RAB3B: variants seen among roughly 807,000 people sequenced by gnomAD.
RAB3B encodes the protein ras-related protein Rab-3B.
Under a neutral mutation model 20.5 loss-of-function variants are expected in RAB3B, and 11 were observed. The ratio of observed to expected loss-of-function variants is 0.54; its 90% CI spans 0.34 to 0.89. The LOEUF (loss-of-function observed/expected upper bound fraction) is 0.89. Ranked by LOEUF, RAB3B falls within the 40% of genes least tolerant of loss-of-function variation. The pLI is 0.02. For synonymous variants in RAB3B, 99 were observed against 106.3 expected (o/e 0.93, Z 0.42); for missense variants, 225 against 280.9 (o/e 0.80, Z 1.42).
At chr1:51,971,030 A>AAAAG (rs1557975592) in intron 2 of RAB3B, among the ~76,000 whole-genome samples, 26 of 150,728 alleles carry the variant, frequency 1.7e-4, no homozygotes, top group South Asian at 6.3e-4. Flanking sequence ...AAAAAAAAAA[A>AAAAG]AAAGAAAGAA....
chr1:51,945,980 A>G (rs1684559491), intron 2 of RAB3B, among the ~76,000 whole-genome samples: 1 of 152,274 alleles, frequency 6.6e-6, no homozygotes, highest in Non-Finnish European at 1.5e-5. Context: ...TAGGGTTTTC[A>G]TAATATGATA....
At chr1:51,937,565 T>C (rs1684423909) in intron 2 of RAB3B, among the ~76,000 whole-genome samples, 153 bp from the exon 3 acceptor site, 1 of 152,056 alleles carries the variant, frequency 6.6e-6, no homozygotes, top group Non-Finnish European at 1.5e-5. Context: ...TGGCGCGATC[T>C]CAGCTCACTG....
At chr1:51,958,720 G>C (rs1463336913) in intron 2 of RAB3B, among the ~76,000 whole-genome samples, 3 of 131,410 alleles carry the variant, frequency 2.3e-5, no homozygotes, top group African/African-American at 7.7e-5. Flanking sequence ...CAAAAACTCA[G>C]TCTCAAAAAA....
chr1:51,930,715 C>A (rs186063772), intron 4 of RAB3B, among the ~76,000 whole-genome samples: 3 of 152,238 alleles, frequency 2.0e-5, no homozygotes, highest in African/African-American at 4.8e-5. Flanking sequence ...ACCAATTCAC[C>A]TTTAAAAAAT....
intron 2 of RAB3B, among the ~76,000 whole-genome samples, chr1:51,973,983 T>G (rs547124335): frequency 1.3e-5 from 2 of 152,292 alleles, no homozygotes; most frequent in South Asian, 4.1e-4. Flanking sequence ...CTCTAATAAT[T>G]TCTTCAGTTC....
At chr1:51,950,845 G>C (rs901529590) in intron 2 of RAB3B, among the ~76,000 whole-genome samples, 3 of 152,168 alleles carry the variant, frequency 2.0e-5, no homozygotes, top group Non-Finnish European at 4.4e-5. Context: ...CAGCTGCTCA[G>C]CTCCAAGTGC....
intron 2 of RAB3B, among the ~76,000 whole-genome samples, chr1:51,975,599 TTC>T (rs1314838674): frequency 1.1e-3 from 174 of 152,266 alleles, no homozygotes; most frequent in Non-Finnish European, 1.7e-3. Context: ...ATAAAGACAC[TTC>T]AGCAGCTCTG....
intron 2 of RAB3B, among the ~76,000 whole-genome samples, chr1:51,945,646 C>T (rs1307462001): frequency 1.3e-5 from 2 of 152,222 alleles, no homozygotes; most frequent in African/African-American, 4.8e-5. Flanking sequence ...TTTGCACTTC[C>T]AAAGGCAGTT....
In RAB3B at chr1:51,913,243, T is replaced by TC. The variant is rs1684031367; in HGVS notation, c.*6683_*6684insG. ...AACTTCTTCATCTCGAGTGTCTTGA[T>TC]TCCTCCAAAGTAAATCCTTTGGATC... is the stretch of plus-strand genomic sequence containing the variant. On this transcript the variant is annotated 3_prime_UTR_variant, in exon 5 of 5. Coordinates refer to ENST00000371655, the MANE Select transcript of RAB3B (RefSeq NM_002867.4). The TC allele has an allele frequency of 6.6e-6, 1 of 152,176 alleles. No individual in the cohort carries two copies. Among genetic ancestry groups the TC allele is most frequent in the Non-Finnish European group, 1.5e-5 (1 of 68,026 alleles). 9.4% of individuals were successfully genotyped at this position (152,176 alleles called of 1,614,324 possible).
At chr1:51,937,610 G>C (rs889229543) in intron 2 of RAB3B, among the ~76,000 whole-genome samples, 198 bp from the exon 3 acceptor site, 2 of 151,846 alleles carry the variant, frequency 1.3e-5, no homozygotes, top group African/African-American at 2.4e-5. Flanking sequence ...TGATTCTCCT[G>C]CCTCAGCTTC....
At chr1:51,931,397 CTG>C in intron 4 of RAB3B, among the ~76,000 whole-genome samples, 1 of 152,322 alleles carries the variant, frequency 6.6e-6, no homozygotes. Flanking sequence ...TGGACTATGA[CTG>C]TTACTGTAGG....
chr1:51,933,501 C>T (rs1442973238), intron 3 of RAB3B, 59 bp from the exon 4 acceptor site: 4 of 1,491,976 alleles, frequency 2.7e-6, no homozygotes, highest in Non-Finnish European at 3.7e-6. Flanking sequence ...ATGTCTGTGT[C>T]CCCACCTCCA....
At chr1:51,987,761 T>C (rs1312015184) in intron 1 of RAB3B, among the ~76,000 whole-genome samples, 1 of 152,206 alleles carries the variant, frequency 6.6e-6, no homozygotes, top group Non-Finnish European at 1.5e-5. Flanking sequence ...GACCCCCATA[T>C]ATACCGAAAT....
In RAB3B at chr1:51,918,576, A is replaced by C. The variant is rs1207858655; in HGVS notation, c.*1351T>G. The C allele has an allele frequency of 6.6e-6, 1 of 152,228 alleles. No homozygotes were observed. The highest frequency in any genetic ancestry group is 1.5e-5 in the Non-Finnish European group (1 of 68,062). 9.4% of individuals were successfully genotyped at this position (152,228 alleles called of 1,614,324 possible). A position where few individuals can be genotyped will look rare whatever the true frequency, so the allele number is the denominator to read the frequency against. ...AGGAGGCAGATTTGAGCTCGATACA[A>C]GGAAAACTTTCTATGAGAGTTGACA... On this transcript the variant is annotated 3_prime_UTR_variant, in exon 5 of 5. Coordinates refer to ENST00000371655, the MANE Select transcript of RAB3B (RefSeq NM_002867.4).
At position 51,912,597 on chromosome 1, in the gene RAB3B, A is replaced by G. The variant is rs1371738773; in HGVS notation, c.*7330T>C. ...TATATATATATATATATATATATAT[A>G]TATAAAAAATGTTACTCCTGTGAGA... On this transcript the variant is annotated 3_prime_UTR_variant, in exon 5 of 5. Coordinates refer to ENST00000371655, the MANE Select transcript of RAB3B (RefSeq NM_002867.4). The G allele has an allele frequency of 4.2e-4, 16 of 38,052 alleles. 3 individuals are homozygous for G. Among genetic ancestry groups the G allele is most frequent in the Non-Finnish European group, 6.6e-4 (13 of 19,566 alleles). The allele number at this position is 38,052 out of a possible 1,614,324, so 2.4% of individuals were successfully genotyped here.
chr1:51,922,485 C>A (rs1388963032), intron 4 of RAB3B, among the ~76,000 whole-genome samples: 1 of 152,204 alleles, frequency 6.6e-6, no homozygotes, highest in East Asian at 1.9e-4. Context: ...CTACCTACCC[C>A]ATAGGATAGT....
At position 51,917,520 on chromosome 1, in the gene RAB3B, T is replaced by G. The variant is rs1393826741; in HGVS notation, c.*2407A>C. ...GCATTGCATCAAAGAAAGCAACATC[T>G]TTGTAGAGCTGACTCCTTTAAAAAA... On this transcript the variant is annotated 3_prime_UTR_variant, in exon 5 of 5. Coordinates refer to ENST00000371655, the MANE Select transcript of RAB3B (RefSeq NM_002867.4). 1 of 151,886 alleles carries G rather than the reference T, an allele frequency of 6.6e-6. No homozygotes were observed. Among genetic ancestry groups the G allele is most frequent in the Non-Finnish European group, 1.5e-5 (1 of 67,982 alleles). The allele number at this position is 151,886 out of a possible 1,614,324, so 9.4% of individuals were successfully genotyped here. A position where few individuals can be genotyped will look rare whatever the true frequency, so the allele number is the denominator to read the frequency against.
intron 2 of RAB3B, among the ~76,000 whole-genome samples, chr1:51,976,620 C>G (rs1685013087): frequency 6.6e-6 from 1 of 152,202 alleles, no homozygotes; most frequent in Admixed American, 6.5e-5. Context: ...ACCCAAGTCT[C>G]TAACTCCAAG....
chr1:51,927,585 G>A (rs1229887092), intron 4 of RAB3B, among the ~76,000 whole-genome samples: 1 of 152,076 alleles, frequency 6.6e-6, no homozygotes, highest in Non-Finnish European at 1.5e-5. Flanking sequence ...AGACCAGCCT[G>A]GGCCACACAG....
Sources: allele counts gnomAD v4.1 joint callset (sites outside exome capture counted in the v4.1 genomes callset), GRCh38; gene constraint gnomAD v4.1.1; transcripts MANE v1.5; gene names NCBI Gene and HGNC (gene_info 2026-07-23, HGNC 2026-07-21).